The following STAC variants were observed in gnomAD, a reference collection of about 807,000 sequenced individuals.
STAC encodes SH3 and cysteine rich domain, also known as SH3 and cysteine-rich domain-containing protein.
A neutral mutation model predicts 48.8 loss-of-function variants in STAC; 43 were observed. The observed-to-expected ratio is 0.88, with a 90% confidence interval of 0.69 to 1.14. STAC has a LOEUF of 1.14. Among genes scored for constraint, STAC ranks in the 50% most tolerant of loss-of-function variants. The pLI is 0.00. For missense variants in STAC, 497 were observed against 504.0 expected, an observed-to-expected ratio of 0.99 and a Z score of 0.13; for synonymous variants, 193 against 179.5, an observed-to-expected ratio of 1.07 and a Z score of -0.60.
At chr3:36,452,332 T>C (rs1214941014) in intron 2 of STAC, among the ~76,000 whole-genome samples, 1 of 152,108 alleles carries the variant, frequency 6.6e-6, no homozygotes, top group Non-Finnish European at 1.5e-5. Flanking sequence ...TTGTTTAATA[T>C]AGTATAACCT....
At chr3:36,504,161 T>C (rs978149254) in intron 6 of STAC, among the ~76,000 whole-genome samples, 2 of 152,150 alleles carry the variant, frequency 1.3e-5, no homozygotes, top group Non-Finnish European at 1.5e-5. Flanking sequence ...TAGTCAGGCA[T>C]GTACAAAAGT....
At chr3:36,507,228 AT>A (rs1476511618) in intron 8 of STAC, among the ~76,000 whole-genome samples, 1 of 152,094 alleles carries the variant, frequency 6.6e-6, no homozygotes, top group East Asian at 1.9e-4. Context: ...ATGTTTATTG[AT>A]TTGTGTATAT....
intron 2 of STAC, 77 bp from the exon 3 acceptor site, chr3:36,482,915 C>A: frequency 1.0e-6 from 1 of 996,548 alleles, no homozygotes; most frequent in Non-Finnish European, 1.5e-6. Flanking sequence ...TGGGGAACCT[C>A]ATTTTCTGTG....
intron 1 of STAC, among the ~76,000 whole-genome samples, chr3:36,418,923 T>C (rs1700380907): frequency 6.6e-6 from 1 of 151,276 alleles, no homozygotes. Context: ...GGTGCATGCC[T>C]GTACTCCCAG....
intron 7 of STAC, 103 bp from the exon 8 acceptor site, chr3:36,505,643 T>C: frequency 1.3e-6 from 1 of 755,572 alleles, no homozygotes; most frequent in Non-Finnish European, 2.2e-6. Context: ...ATCCATACAC[T>C]GAAATTACAT....
At chr3:36,461,285 T>G (rs1379036619) in intron 2 of STAC, among the ~76,000 whole-genome samples, 3 of 152,208 alleles carry the variant, frequency 2.0e-5, no homozygotes, top group Admixed American at 2.0e-4. Context: ...TCTTATTTAA[T>G]AAGCATGCTG....
chr3:36,388,086 T>C (rs2361038), intron 1 of STAC, among the ~76,000 whole-genome samples: 28,990 of 152,096 alleles, frequency 0.19, 3,349 homozygotes, highest in Non-Finnish European at 0.24. Context: ...GCTTATAGGT[T>C]ATTTGTATAT....
At chr3:36,532,668 C>T (rs1232338352) in intron 10 of STAC, among the ~76,000 whole-genome samples, 2 of 152,190 alleles carry the variant, frequency 1.3e-5, no homozygotes, top group Non-Finnish European at 2.9e-5. Context: ...CCCTGGAAGA[C>T]TGCACTGACC....
intron 1 of STAC, among the ~76,000 whole-genome samples, chr3:36,419,988 T>C (rs894356831): frequency 6.6e-6 from 1 of 152,236 alleles, no homozygotes; most frequent in African/African-American, 2.4e-5. Flanking sequence ...TTTTTTTGCT[T>C]TCTTTTTAAA....
At chr3:36,383,507 A>C (rs1699556623) in intron 1 of STAC, among the ~76,000 whole-genome samples, 1 of 152,238 alleles carries the variant, frequency 6.6e-6, no homozygotes, top group African/African-American at 2.4e-5. Context: ...CAAATTCCAG[A>C]CATGAAATAA....
At chr3:36,479,219 T>A (rs1262947542) in intron 2 of STAC, among the ~76,000 whole-genome samples, 3 of 152,246 alleles carry the variant, frequency 2.0e-5, no homozygotes, top group African/African-American at 7.2e-5. Flanking sequence ...CCTTCATACA[T>A]GTTAATAATT....
intron 1 of STAC, among the ~76,000 whole-genome samples, chr3:36,439,053 G>A (rs1696237964): frequency 6.6e-6 from 1 of 152,170 alleles, no homozygotes; most frequent in Non-Finnish European, 1.5e-5. Context: ...CTGGAGGTGG[G>A]TGATGACTCT....
chr3:36,381,965 C>T (rs577621633), intron 1 of STAC, among the ~76,000 whole-genome samples: 2 of 152,292 alleles, frequency 1.3e-5, no homozygotes, highest in East Asian at 3.9e-4. Context: ...GGAAAAAGCC[C>T]CAACTTCCAG....
chr3:36,466,813 T>G (rs2125688235), intron 2 of STAC, among the ~76,000 whole-genome samples: 1 of 152,208 alleles, frequency 6.6e-6, no homozygotes, highest in South Asian at 2.1e-4. Flanking sequence ...TTGACTTCCT[T>G]TTTACTGATT....
intron 8 of STAC, among the ~76,000 whole-genome samples, chr3:36,511,824 C>G (rs1157950336): frequency 6.6e-6 from 1 of 152,212 alleles, no homozygotes; most frequent in Non-Finnish European, 1.5e-5. Context: ...CCTACCCAAA[C>G]TCTTATAAAT....
chr3:36,481,745 G>A (rs1697652926), intron 2 of STAC, among the ~76,000 whole-genome samples: 1 of 152,178 alleles, frequency 6.6e-6, no homozygotes, highest in Admixed American at 6.5e-5. Flanking sequence ...TGCAGGCCTT[G>A]TTCACACAGC....
At chr3:36,545,112 C>A (rs982174054) in intron 10 of STAC, among the ~76,000 whole-genome samples, 1 of 152,156 alleles carries the variant, frequency 6.6e-6, no homozygotes, top group Admixed American at 6.5e-5. Context: ...ATGTTGGCCA[C>A]GAACAACTCA....
At chr3:36,436,569 C>T (rs1199045761) in intron 1 of STAC, among the ~76,000 whole-genome samples, 1 of 152,234 alleles carries the variant, frequency 6.6e-6, no homozygotes, top group African/African-American at 2.4e-5. Context: ...ATGCTCTTCT[C>T]CAGCATAGCT....
chr3:36,505,356 C>T (rs1313637921), intron 7 of STAC, among the ~76,000 whole-genome samples: 1 of 151,888 alleles, frequency 6.6e-6, no homozygotes, highest in Non-Finnish European at 1.5e-5. Flanking sequence ...ACTGATAAAA[C>T]AGTTAATTTT....
Sources: allele counts gnomAD v4.1 joint callset (sites outside exome capture counted in the v4.1 genomes callset), GRCh38; gene constraint gnomAD v4.1.1; transcripts MANE v1.5; gene names NCBI Gene and HGNC (gene_info 2026-07-23, HGNC 2026-07-21).